Variants in ADH1C observed in about 807,000 individuals in gnomAD.
ADH1C encodes the protein alcohol dehydrogenase 1C (class I), gamma polypeptide.
In ADH1C, 26 loss-of-function variants were observed where a neutral mutation model predicts 35.0. That is an observed-to-expected ratio of 0.74 (90% CI 0.54 to 1.03). ADH1C has a LOEUF of 1.03. ADH1C is among the 50% of genes least tolerant of loss of function. The probability of loss-of-function intolerance (pLI) is 0.00; values close to 1 mark genes in which losing one functional copy is unlikely to be tolerated. For synonymous variants in ADH1C, 170 were observed against 169.3 expected, an observed-to-expected ratio of 1.00 and a Z score of -0.03; for missense variants, 413 against 465.4, an observed-to-expected ratio of 0.89 and a Z score of 1.04.
intron 6 of ADH1C, 47 bp downstream of exon 6, chr4:99,342,748 C>T (rs750214079): frequency 1.9e-6 from 3 of 1,612,654 alleles, no homozygotes; most frequent in Non-Finnish European, 2.5e-6. Context: ...TAAATGCATC[C>T]TCCAGGTTGC....
At chr4:99,339,815 A>G (rs1734372237) in intron 7 of ADH1C, 100 bp from the exon 8 acceptor site, 1 of 1,160,892 alleles carries the variant, frequency 8.6e-7, no homozygotes, top group Non-Finnish European at 1.2e-6. Flanking sequence ...AAAGTGCTGC[A>G]TTCCAGACTG....
At chr4:99,349,805 C>T (rs1662050) in intron 1 of ADH1C, among the ~76,000 whole-genome samples, 1 of 84,454 alleles carries the variant, frequency 1.2e-5, no homozygotes, top group East Asian at 2.3e-4. Flanking sequence ...ATGTGTGTTT[C>T]TGTGTGTGTG....
chr4:99,352,377 G>A (rs1045421938), intron 1 of ADH1C, among the ~76,000 whole-genome samples: 1 of 152,086 alleles, frequency 6.6e-6, no homozygotes, highest in Admixed American at 6.6e-5. Flanking sequence ...TTTATTTAAT[G>A]TAGGAAATAA....
At position 99,345,237 on chromosome 4, in the gene ADH1C, G is replaced by A; in HGVS notation, c.289C>T (p.Gln97Ter). The A allele has an allele frequency of 6.2e-7, 1 of 1,613,988 alleles. No individual in the cohort carries two copies. The highest frequency in any genetic ancestry group is 1.1e-5 in the South Asian group (1 of 91,056). Residue 97 changes from glutamine (Q) to a stop codon, truncating the protein, a stop_gained, in exon 4 of 9, where the codon CAG (glutamine) becomes TAG (stop). Coordinates refer to ENST00000515683, the MANE Select transcript of ADH1C (RefSeq NM_000669.5). LOFTEE classifies it high-confidence loss of function. ...GDKVIPLFTP[Q>*]CGKCRICKNP... ...TTACAAATTCTGCATTTTCCACACT[G>A]AGGAGTAAAGAGCGGGATGACTTTA...
At chr4:99,347,276 C>T (rs1734558797) in intron 2 of ADH1C, 132 bp from the exon 3 acceptor site, 1 of 1,120,176 alleles carries the variant, frequency 8.9e-7, no homozygotes, top group Non-Finnish European at 1.3e-6. Context: ...CTACTATTCC[C>T]AAATATGAAA....
chr4:99,350,180 G>A (rs1342860062), intron 1 of ADH1C, among the ~76,000 whole-genome samples: 4 of 152,172 alleles, frequency 2.6e-5, no homozygotes, highest in African/African-American at 9.7e-5. Flanking sequence ...CTAATAGTAG[G>A]AGTTTCTGAT....
chr4:99,347,470 G>T (rs1288154045), intron 2 of ADH1C, among the ~76,000 whole-genome samples: 2 of 152,102 alleles, frequency 1.3e-5, no homozygotes, highest in South Asian at 2.1e-4. Context: ...AATATCTAAT[G>T]CAAATTGATT....
intron 8 of ADH1C, 45 bp downstream of exon 8, chr4:99,339,532 T>A: frequency 2.6e-4 from 241 of 935,446 alleles, no homozygotes; most frequent in Non-Finnish European, 3.3e-4. Flanking sequence ...CCCCCGCCGC[T>A]ACTGTAGAAT....
At position 99,339,736 on chromosome 4, in the gene ADH1C, T is replaced by C. The variant is rs370748291; in HGVS notation, c.965-21A>G. 93 of 1,595,106 alleles carry C rather than the reference T, an allele frequency of 5.8e-5. 1 individual carries two copies. Among genetic ancestry groups the C allele is most frequent in the Non-Finnish European group, 7.5e-5 (88 of 1,173,388 alleles). On this transcript the variant is annotated intron_variant, in intron 7 of 8. Transcript: ENST00000515683. ...AAAGCCTGAAAAGAAGAAAATATCA[T>C]TGATAGATTCAACCAGGGTAAGTAG...
chr4:99,336,642 T>G lies in ADH1C; in HGVS notation c.*110A>C. On this transcript the variant is annotated 3_prime_UTR_variant, in exon 9 of 9. Transcript: ENST00000515683. The stretch of plus-strand genomic sequence containing the variant: ...TTGGAAAGCTCCCACGTGTAATTTA[T>G]TTTTAACATCTCTGAAGAGCAGAAT... 1 of 1,364,286 alleles carries G rather than the reference T, an allele frequency of 7.3e-7. No homozygotes were observed. The highest frequency in any genetic ancestry group is 1.0e-6 in the Non-Finnish European group (1 of 972,988). 84.5% of individuals were successfully genotyped at this position (1,364,286 alleles called of 1,614,324 possible). A position where few individuals can be genotyped will look rare whatever the true frequency, so the allele number is the denominator to read the frequency against.
At chr4:99,349,350 A>T (rs1373029692) in intron 1 of ADH1C, among the ~76,000 whole-genome samples, 1 of 151,964 alleles carries the variant, frequency 6.6e-6, no homozygotes, top group Non-Finnish European at 1.5e-5. Context: ...ACATATGGCT[A>T]GCCAGTTTTC....
At position 99,336,672 on chromosome 4, in the gene ADH1C, G is replaced by A. The variant is rs552125685; in HGVS notation, c.*80C>T. 2.6e-6 allele frequency: 4 copies of A among 1,516,802 alleles called. No individual in the cohort carries two copies. The highest frequency in any genetic ancestry group is 1.4e-5 in the African/African-American group (1 of 72,812). The allele number at this position is 1,516,802 out of a possible 1,614,324, so 94.0% of individuals were successfully genotyped here. On this transcript the variant is annotated 3_prime_UTR_variant, in exon 9 of 9. Transcript: ENST00000515683. Reference sequence around the variant, plus strand: ...AACATCTCTGAAGAGCAGAATTAATGATATTTCCTAGCTGTTGCTCCAGAT... The same window carrying A: ...AACATCTCTGAAGAGCAGAATTAATAATATTTCCTAGCTGTTGCTCCAGAT...
rs1194748308 is a variant in ADH1C, at chr4:99,342,751, C to T, written c.828+44G>A. ...TATTCTACTGCCTAAATGCATCCTC[C>T]AGGTTGCAGAGGCAGAAATTTCAGG... On this transcript the variant is annotated intron_variant, in intron 6 of 8. Coordinates refer to ENST00000515683, the MANE Select transcript of ADH1C (RefSeq NM_000669.5). 2.5e-6 allele frequency: 4 copies of T among 1,612,606 alleles called. No homozygotes were observed. The South Asian group carries it at 3.3e-5, about 13-fold the overall frequency.
Position 99,340,727 on chromosome 4 carries a change from A to G in ADH1C, c.829-17T>C. 1 of 1,612,200 alleles carries G rather than the reference A, an allele frequency of 6.2e-7. No individual in the cohort carries two copies. Among genetic ancestry groups the G allele is most frequent in the South Asian group, 1.1e-5 (1 of 91,000 alleles). ...GGAAGCCATCTGGAATAAAGTGAAC[A>G]TTTAGTATCCTTAACGTGGAGTGGC... On this transcript the variant is annotated splice_polypyrimidine_tract_variant and intron_variant, in intron 6 of 8. Transcript: ENST00000515683.
In ADH1C at chr4:99,342,737, C is replaced by G. The variant is rs1256600514; in HGVS notation, c.828+58G>C. ...ATACATAATACGTATATTCTACTGC[C>G]TAAATGCATCCTCCAGGTTGCAGAG... On this transcript the variant is annotated intron_variant, in intron 6 of 8. Coordinates refer to ENST00000515683, the MANE Select transcript of ADH1C (RefSeq NM_000669.5). 3 of 1,610,714 alleles carry G rather than the reference C, an allele frequency of 1.9e-6. No homozygotes were observed. In the East Asian group the frequency reaches 6.7e-5, roughly 36 times the overall value.
At chr4:99,344,686 C>A (rs902729495) in intron 5 of ADH1C, among the ~76,000 whole-genome samples, 176 bp downstream of exon 5, 1 of 152,118 alleles carries the variant, frequency 6.6e-6, no homozygotes, top group African/African-American at 2.4e-5. Flanking sequence ...TTTTTATCTG[C>A]AATAAATTGG....
chr4:99,336,763 G>A lies in ADH1C; in HGVS notation c.1117C>T (p.Leu373=), dbSNP rs1330806832. ...GCATCTGTATTGTTTCAAAACGTCA[G>A]GACGGTACGGATACTGCAATAGGAA... ...LRSGKSIRTV[L]TF The change falls in exon 9 of 9, where the codon CTG becomes TTG. Residue 373 remains leucine (L), a synonymous_variant. Transcript: ENST00000515683. The A allele has an allele frequency of 6.2e-7, 1 of 1,613,722 alleles. No individual in the cohort carries two copies.
chr4:99,339,215 A>G (rs1009491362), intron 8 of ADH1C, among the ~76,000 whole-genome samples: 1 of 152,164 alleles, frequency 6.6e-6, no homozygotes, highest in Non-Finnish European at 1.5e-5. Flanking sequence ...CTTATATGAC[A>G]GGCAGAGGTG....
Position 99,340,682 on chromosome 4 carries a change from G to A in ADH1C, c.857C>T (p.Ala286Val), listed in dbSNP as rs1734393898. ...CCCTACAATGACACTTGTGCCACAT[G>A]CCTCATGACAACATAACAGGGAAGC... ...MMASLLCCHE[A>V]CGTSVIVGVP... The change falls in exon 7 of 9, where the codon GCA (alanine) becomes GTA (valine). Residue 286 changes from alanine (A) to valine (V), a missense_variant. Physicochemically the swap from Ala to Val is moderately conservative, Grantham distance 64. Transcript: ENST00000515683. The A allele has an allele frequency of 6.2e-7, 1 of 1,612,872 alleles. No individual in the cohort carries two copies. Among genetic ancestry groups the A allele is most frequent in the East Asian group, 2.2e-5 (1 of 44,876 alleles).
Sources: gnomAD v4.1 joint callset for allele counts (sites outside exome capture counted in the v4.1 genomes callset) on GRCh38, gnomAD v4.1.1 for gene constraint, MANE v1.5 for transcripts, NCBI Gene and HGNC (gene_info 2026-07-23, HGNC 2026-07-21) for gene names.